The following RAPGEF4 variants were observed in gnomAD, a reference collection of about 807,000 sequenced individuals.
RAPGEF4 encodes RAP guanine-nucleotide-exchange factor (GEF) 4.
Under a neutral mutation model 147.9 loss-of-function variants are expected in RAPGEF4, and 66 were observed. That is an observed-to-expected ratio of 0.45 (90% CI 0.37 to 0.55). The LOEUF is 0.55. Among genes scored for constraint, RAPGEF4 ranks in the 20% least tolerant of loss-of-function variants. The pLI is 0.00. For missense variants in RAPGEF4, 1,071 were observed against 1,257.3 expected, an observed-to-expected ratio of 0.85 and a Z score of 2.24; for synonymous variants, 419 against 442.7, an observed-to-expected ratio of 0.95 and a Z score of 0.67.
intron 17 of RAPGEF4, among the ~76,000 whole-genome samples, chr2:173,013,139 T>C (rs1371396136): frequency 6.6e-6 from 1 of 152,226 alleles, no homozygotes; most frequent in Non-Finnish European, 1.5e-5. Context: ...GTCATTTACC[T>C]TGATCATGAT....
chr2:172,945,675 T>A (rs1257297279), intron 6 of RAPGEF4, among the ~76,000 whole-genome samples: 1 of 152,190 alleles, frequency 6.6e-6, no homozygotes, highest in Non-Finnish European at 1.5e-5. Flanking sequence ...GGAGTTACTA[T>A]GCTATTAAAA....
chr2:172,750,327 G>A (rs1028170067), intron 1 of RAPGEF4, among the ~76,000 whole-genome samples: 4 of 152,002 alleles, frequency 2.6e-5, no homozygotes, highest in Non-Finnish European at 4.4e-5. Context: ...GGCTGGGGAG[G>A]CCTCACAATC....
At chr2:173,045,593 C>G (rs924698120) in intron 29 of RAPGEF4, among the ~76,000 whole-genome samples, 2 of 152,128 alleles carry the variant, frequency 1.3e-5, no homozygotes, top group Non-Finnish European at 2.9e-5. Flanking sequence ...GGGTCATTGC[C>G]GTGGCATTTG....
chr2:172,929,420 GAC>G (rs1362721441), intron 6 of RAPGEF4, among the ~76,000 whole-genome samples: 1 of 152,024 alleles, frequency 6.6e-6, no homozygotes. Flanking sequence ...AATATATATA[GAC>G]ACATACATAT....
Position 173,014,503 on chromosome 2 carries a change from A to G in RAPGEF4, c.1698A>G (p.Lys566=). 6.2e-7 allele frequency: 1 copy of G among 1,614,056 alleles called. No homozygotes were observed. ...CTTCACAAGGTACAGAACAGGAGAA[A>G]ATGGATTATGCCCTCAACAATAAGA... is the stretch of plus-strand genomic sequence containing the variant. The part of the protein sequence containing the change: ...AQPSQGTEQE[K]MDYALNNKRR... The change falls in exon 18 of 31, where the codon AAA becomes AAG. Residue 566 remains lysine, a synonymous_variant. Coordinates refer to ENST00000397081, the MANE Select transcript of RAPGEF4 (RefSeq NM_007023.4).
intron 27 of RAPGEF4, among the ~76,000 whole-genome samples, chr2:173,035,913 CAGG>C (rs1683937786): frequency 6.6e-6 from 1 of 152,064 alleles, no homozygotes; most frequent in South Asian, 2.1e-4. Context: ...TGAGTAGGCT[CAGG>C]AGGAGGAGAA....
chr2:173,001,194 A>C, intron 16 of RAPGEF4, 72 bp from the exon 17 acceptor site: 1 of 1,599,870 alleles, frequency 6.3e-7, no homozygotes, highest in South Asian at 1.1e-5. Context: ...AGAACAAGTG[A>C]ATGGATACTC....
chr2:172,951,740 A>G (rs1280872652), intron 6 of RAPGEF4, among the ~76,000 whole-genome samples: 2 of 152,214 alleles, frequency 1.3e-5, no homozygotes, highest in Non-Finnish European at 2.9e-5. Context: ...CAGAGGTTGC[A>G]AGGAGCCAGA....
chr2:172,927,899 G>A (rs1220308286), intron 6 of RAPGEF4, among the ~76,000 whole-genome samples: 1 of 152,180 alleles, frequency 6.6e-6, no homozygotes, highest in African/African-American at 2.4e-5. Flanking sequence ...AAACTCACGT[G>A]TAACTGGCCA....
At chr2:172,915,269 A>G (rs956120632) in intron 4 of RAPGEF4, among the ~76,000 whole-genome samples, 2 of 152,238 alleles carry the variant, frequency 1.3e-5, no homozygotes, top group East Asian at 3.8e-4. Flanking sequence ...GAATGAAACA[A>G]TTAGAAAGTT....
chr2:172,996,324 A>C (rs189630832), intron 15 of RAPGEF4, 142 bp from the exon 16 acceptor site: 92 of 466,862 alleles, frequency 2.0e-4, no homozygotes, highest in African/African-American at 1.8e-3. Flanking sequence ...ACTTTGACAA[A>C]GTGTGTGGTC....
At chr2:172,807,696 T>C (rs900921443) in intron 3 of RAPGEF4, among the ~76,000 whole-genome samples, 3 of 152,232 alleles carry the variant, frequency 2.0e-5, no homozygotes, top group African/African-American at 7.2e-5. Context: ...TTTGCCTTGT[T>C]AGAATTTATG....
In RAPGEF4 at chr2:172,880,006, G is replaced by A. The variant is rs190213415; in HGVS notation, c.445-37796G>A. ...AATGGAGCATGACAGGCTTTTTTCT[G>A]TACACTTTTCGGGAAGCATACCTGC... On this transcript the variant is annotated intron_variant, in intron 4 of 30. Transcript: ENST00000397081. Among the ~76,000 whole-genome samples, 529 of 152,144 alleles carry A rather than the reference G, an allele frequency of 3.5e-3. 3 individuals are homozygous for A. Among genetic ancestry groups the A allele is most frequent in the African/African-American group, 0.011 (468 of 41,532 alleles).
intron 4 of RAPGEF4, among the ~76,000 whole-genome samples, chr2:172,880,012 T>G (rs1696426602): frequency 6.6e-6 from 1 of 152,176 alleles, no homozygotes; most frequent in South Asian, 2.1e-4. Flanking sequence ...TTCTGTACAC[T>G]TTTCGGGAAG....
chr2:172,996,194 C>A (rs1390480941), intron 15 of RAPGEF4, among the ~76,000 whole-genome samples: 1 of 152,150 alleles, frequency 6.6e-6, no homozygotes, highest in Non-Finnish European at 1.5e-5. Flanking sequence ...CAGTTCCCAG[C>A]CTGCTAAAGC....
intron 4 of RAPGEF4, among the ~76,000 whole-genome samples, chr2:172,849,275 A>T (rs750895559): frequency 1.2e-4 from 19 of 152,214 alleles, no homozygotes; most frequent in Non-Finnish European, 2.6e-4. Flanking sequence ...AATAGAACAC[A>T]TTGCATTAGT....
chr2:172,997,976 G>T (rs1310613468), intron 16 of RAPGEF4, among the ~76,000 whole-genome samples: 2 of 152,132 alleles, frequency 1.3e-5, no homozygotes, highest in Non-Finnish European at 2.9e-5. Flanking sequence ...TAATCGTCAG[G>T]ATCACTGGCT....
At chr2:173,022,976 C>G (rs755978629) in intron 23 of RAPGEF4, among the ~76,000 whole-genome samples, 8 of 152,144 alleles carry the variant, frequency 5.3e-5, no homozygotes, top group Admixed American at 1.3e-4. Flanking sequence ...TCATCGCAGG[C>G]ATTGTAGATG....
chr2:172,934,998 G>A (rs1254209464), intron 6 of RAPGEF4, among the ~76,000 whole-genome samples: 1 of 152,154 alleles, frequency 6.6e-6, no homozygotes, highest in East Asian at 1.9e-4. Flanking sequence ...GCAACGTGGT[G>A]AGGCCCTGTC....
Sources: allele counts gnomAD v4.1 joint callset (sites outside exome capture counted in the v4.1 genomes callset), GRCh38; gene constraint gnomAD v4.1.1; transcripts MANE v1.5; gene names NCBI Gene and HGNC (gene_info 2026-07-23, HGNC 2026-07-21).